Variants in KLHL8 observed in about 807,000 individuals in gnomAD.
The protein encoded by KLHL8 is kelch-like protein 8.
Under a neutral mutation model 63.5 loss-of-function variants are expected in KLHL8, and 38 were observed. The ratio of observed to expected loss-of-function variants is 0.60; its 90% CI spans 0.46 to 0.78. KLHL8 has a LOEUF of 0.78. Among genes scored for constraint, KLHL8 ranks in the 30% least tolerant of loss-of-function variants. KLHL8 has a pLI of 0.00. For synonymous variants in KLHL8, 224 were observed against 254.3 expected (o/e 0.88, Z 1.13); for missense variants, 566 against 752.4 (o/e 0.75, Z 2.90).
At chr4:87,209,331 C>G (rs1235005231) in intron 1 of KLHL8, among the ~76,000 whole-genome samples, 5 of 152,100 alleles carry the variant, frequency 3.3e-5, no homozygotes, top group African/African-American at 1.2e-4. Flanking sequence ...TCATAACATG[C>G]TACAGATGTC....
chr4:87,229,840 C>T (rs959850343), intron 1 of KLHL8, among the ~76,000 whole-genome samples: 2 of 152,048 alleles, frequency 1.3e-5, no homozygotes, highest in East Asian at 3.9e-4. Flanking sequence ...ACGCCATTCT[C>T]CTGCCTCAGC....
At chr4:87,219,068 C>T (rs1560719048) in intron 1 of KLHL8, among the ~76,000 whole-genome samples, 2 of 152,142 alleles carry the variant, frequency 1.3e-5, no homozygotes, top group African/African-American at 4.8e-5. Flanking sequence ...TTTAGGCTTA[C>T]GCAATTTTGG....
chr4:87,171,115 G>A (rs969231449), intron 6 of KLHL8, among the ~76,000 whole-genome samples: 13 of 151,862 alleles, frequency 8.6e-5, no homozygotes, highest in African/African-American at 2.9e-4. Context: ...TTTCTGAAGC[G>A]TATTTATTTC....
chr4:87,233,434 C>T (rs1578413067), intron 1 of KLHL8, among the ~76,000 whole-genome samples: 3 of 152,072 alleles, frequency 2.0e-5, no homozygotes, highest in East Asian at 3.9e-4. Context: ...ATTAGCTGGG[C>T]GTTGTGGCAC....
chr4:87,236,226 T>C (rs1733225026), intron 1 of KLHL8, among the ~76,000 whole-genome samples: 1 of 139,606 alleles, frequency 7.2e-6, no homozygotes, highest in East Asian at 2.2e-4. Context: ...TTTTTTTTTT[T>C]GAGACGGAGT....
chr4:87,181,273 A>G (rs1215267033), intron 4 of KLHL8, among the ~76,000 whole-genome samples: 1 of 140,226 alleles, frequency 7.1e-6, no homozygotes, highest in East Asian at 2.0e-4. Context: ...GTAAAAATAC[A>G]AAAAAAAAAA....
chr4:87,180,194 T>C (rs1359530316), intron 4 of KLHL8, among the ~76,000 whole-genome samples: 1 of 152,262 alleles, frequency 6.6e-6, no homozygotes, highest in Non-Finnish European at 1.5e-5. Context: ...GTAATTAGCA[T>C]TTATTTAACA....
At chr4:87,180,753 G>T (rs151099557) in intron 4 of KLHL8, among the ~76,000 whole-genome samples, 71 of 152,108 alleles carry the variant, frequency 4.7e-4, no homozygotes, top group African/African-American at 1.7e-3. Context: ...ATTTAAAGTC[G>T]GAAGAGCAGC....
At chr4:87,190,158 T>C (rs1044464353) in intron 2 of KLHL8, among the ~76,000 whole-genome samples, 4 of 152,194 alleles carry the variant, frequency 2.6e-5, no homozygotes, top group Non-Finnish European at 5.9e-5. Context: ...TAATATACTT[T>C]AACATTCATC....
Position 87,236,355 on chromosome 4 carries a change from C to T in KLHL8, n.57+3903G>A, listed in dbSNP as rs188023546. On this transcript the variant is annotated intron_variant and non_coding_transcript_variant, in intron 1 of 1. Coordinates refer to the KLHL8 transcript ENST00000506274. Reference sequence around the variant, plus strand: ...TCCTGAGTAGCTGGGACTACAGGGGCGCACCACCATGCCCGGCAAATTTTT... The same window carrying T: ...TCCTGAGTAGCTGGGACTACAGGGGTGCACCACCATGCCCGGCAAATTTTT... Among the ~76,000 whole-genome samples, 626 of 151,202 alleles carry T rather than the reference C, an allele frequency of 4.1e-3. 4 individuals carry two copies. Among genetic ancestry groups the T allele is most frequent in the African/African-American group, 0.014 (593 of 41,226 alleles).
chr4:87,192,708 A>C, intron 2 of KLHL8, among the ~76,000 whole-genome samples: 1 of 151,750 alleles, frequency 6.6e-6, no homozygotes, highest in East Asian at 1.9e-4. Flanking sequence ...AATATCACAG[A>C]ATGTACTTAC....
intron 6 of KLHL8, 101 bp downstream of exon 6, chr4:87,176,656 A>G: frequency 2.9e-6 from 2 of 685,288 alleles, no homozygotes; most frequent in South Asian, 3.5e-5. Flanking sequence ...GAAGGTATTT[A>G]AAGTTTCTAA....
intron 4 of KLHL8, among the ~76,000 whole-genome samples, chr4:87,181,754 T>C (rs1340005857): frequency 1.3e-5 from 2 of 152,180 alleles, no homozygotes; most frequent in East Asian, 3.8e-4. Context: ...CAAATCCTTA[T>C]CTAAAACCTA....
chr4:87,174,582 C>T (rs1163155510), intron 6 of KLHL8, among the ~76,000 whole-genome samples: 1 of 152,084 alleles, frequency 6.6e-6, no homozygotes, highest in Admixed American at 6.6e-5. Flanking sequence ...CCCGGCCCAC[C>T]TGCAGTTTTA....
chr4:87,235,444 G>C (rs1315543051), intron 1 of KLHL8, among the ~76,000 whole-genome samples: 2 of 152,090 alleles, frequency 1.3e-5, no homozygotes, highest in Non-Finnish European at 2.9e-5. Context: ...TACCATCTAG[G>C]CTTGTATAAG....
In KLHL8 at chr4:87,236,663, C is replaced by CTTTT. The variant is rs34454982; in HGVS notation, n.57+3591_57+3594dup. Among the ~76,000 whole-genome samples the CTTTT allele has an allele frequency of 6.1e-3, 669 of 110,418 alleles. 21 individuals carry two copies. Among genetic ancestry groups the CTTTT allele is most frequent in the African/African-American group, 0.023 (645 of 27,594 alleles). 72.4% of individuals were successfully genotyped at this position (110,418 alleles called of 152,430 possible). Reference sequence around the variant, plus strand: ...GTCATTTAATTTATCTGTACTGTGTCTTTTTTTTTTTTTTTTTTTTAGATG... The same window carrying CTTTT: ...GTCATTTAATTTATCTGTACTGTGTCTTTTTTTTTTTTTTTTTTTTTTTTAGATG... On this transcript the variant is annotated intron_variant and non_coding_transcript_variant, in intron 1 of 1. Transcript: ENST00000506274.
At chr4:87,226,948 T>TATATATAAATAATATATA (rs1491191727) in intron 1 of KLHL8, among the ~76,000 whole-genome samples, 4,022 of 39,550 alleles carry the variant, frequency 0.1, 735 homozygotes, top group Non-Finnish European at 0.15. Context: ...TAATATATAT[T>TATATATAAATAATATATA]ATATATAAGT....
At position 87,195,397 on chromosome 4, in the gene KLHL8, T is replaced by G; in HGVS notation, c.143A>C (p.Glu48Ala). The change falls in exon 2 of 10, where the codon GAA (glutamate) becomes GCA (alanine). Residue 48 changes from glutamate to alanine, a missense_variant. Physicochemically the swap from Glu to Ala is moderately radical, Grantham distance 107 (BLOSUM62 -1). Transcript: ENST00000273963. ...AGAACCATGAAAATCTTTCCAAGCT[T>G]CATTTGCTTCAAAAATAAAGGAATC... The part of the protein sequence containing the change: ...GEDSFIFEAN[E>A]AWKDFHGSLL... The G allele has an allele frequency of 6.2e-7, 1 of 1,613,792 alleles. No individual in the cohort carries two copies. Among genetic ancestry groups the G allele is most frequent in the Non-Finnish European group, 8.5e-7 (1 of 1,179,902 alleles).
chr4:87,203,258 C>T (rs1377626218), intron 1 of KLHL8, among the ~76,000 whole-genome samples: 2 of 148,170 alleles, frequency 1.3e-5, no homozygotes, highest in East Asian at 4.0e-4. Context: ...GTGAACATGG[C>T]TGAGCACAGT....
Sources: allele counts gnomAD v4.1 joint callset (sites outside exome capture counted in the v4.1 genomes callset), GRCh38; gene constraint gnomAD v4.1.1; transcripts MANE v1.5; gene names NCBI Gene and HGNC (gene_info 2026-07-23, HGNC 2026-07-21).